The following RGS6 variants were observed in gnomAD, a reference collection of about 807,000 sequenced individuals.
RGS6 encodes the protein regulator of G-protein signaling 6.
A neutral mutation model predicts 78.5 loss-of-function variants in RGS6; 30 were observed. That is an observed-to-expected ratio of 0.38 (90% confidence interval 0.29 to 0.52). RGS6 has a LOEUF of 0.52. Ranked by LOEUF, RGS6 falls within the 20% of genes least tolerant of loss-of-function variation. RGS6 has a pLI of 0.85. For synonymous variants in RGS6, 206 were observed against 206.0 expected, an observed-to-expected ratio of 1.00 and a Z score of 0.00; for missense variants, 495 against 609.7, an observed-to-expected ratio of 0.81 and a Z score of 1.98.
chr14:72,439,081 A>G (rs2095071904), intron 3 of RGS6, among the ~76,000 whole-genome samples: 1 of 151,104 alleles, frequency 6.6e-6, no homozygotes. Flanking sequence ...AGTTTATTGC[A>G]CTCCCCTCCC....
At chr14:72,369,457 A>G (rs889079605) in intron 3 of RGS6, among the ~76,000 whole-genome samples, 29 of 152,196 alleles carry the variant, frequency 1.9e-4, no homozygotes, top group Non-Finnish European at 3.1e-4. Context: ...TTAAGCCACA[A>G]AGTTTGTGGT....
chr14:72,529,040 A>G (rs2097151071), intron 15 of RGS6, among the ~76,000 whole-genome samples: 1 of 152,128 alleles, frequency 6.6e-6, no homozygotes, highest in Admixed American at 6.5e-5. Flanking sequence ...TTTTCTGTTC[A>G]CCCACCCCCG....
intron 2 of RGS6, among the ~76,000 whole-genome samples, chr14:72,126,972 T>C (rs1369561655): frequency 1.3e-5 from 2 of 152,094 alleles, no homozygotes; most frequent in African/African-American, 4.8e-5. Context: ...TGGGGAGGCA[T>C]GAGGTTGGGG....
At position 72,168,218 on chromosome 14, in the gene RGS6, G is replaced by A. The variant is rs183416351; in HGVS notation, c.85-183877G>A. Among the ~76,000 whole-genome samples the A allele has an allele frequency of 4.8e-4, 73 of 152,120 alleles. No individual in the cohort carries two copies. The Middle Eastern group carries it at 0.01, about 21-fold the overall frequency. ...CCCCATCCCTTTCATGCAGCACCTG[G>A]TGCACACTCAGGTGACCCAGCCTAC... On this transcript the variant is annotated intron_variant, in intron 2 of 17. Coordinates refer to ENST00000553525, the MANE Select transcript of RGS6 (RefSeq NM_001204424.2).
intron 3 of RGS6, among the ~76,000 whole-genome samples, chr14:72,357,078 C>A (rs1313243442): frequency 6.6e-6 from 1 of 152,150 alleles, no homozygotes; most frequent in Middle Eastern, 3.4e-3. Flanking sequence ...CAAGACCAGC[C>A]TGGCCAACAT....
chr14:72,063,511 T>C (rs2093991166), intron 2 of RGS6, among the ~76,000 whole-genome samples: 1 of 152,120 alleles, frequency 6.6e-6, no homozygotes, highest in Non-Finnish European at 1.5e-5. Context: ...AGATAGGATA[T>C]ACGTTTCTTG....
chr14:71,908,342 T>C, the RGS6 span: 1 of 152,234 alleles, frequency 6.6e-6, no homozygotes, highest in Non-Finnish European at 1.5e-5. Flanking sequence ...CATTTCAGAA[T>C]GCCGTCTAGC....
chr14:72,093,763 A>G (rs1336361532), intron 2 of RGS6, among the ~76,000 whole-genome samples: 9 of 152,114 alleles, frequency 5.9e-5, no homozygotes, highest in Admixed American at 5.9e-4. Context: ...AGACACCTTT[A>G]CAAGTCACCT....
the RGS6 span, among the ~76,000 whole-genome samples, chr14:71,901,197 C>A: frequency 6.6e-6 from 1 of 152,072 alleles, no homozygotes; most frequent in Non-Finnish European, 1.5e-5. Flanking sequence ...ATTCTATGGT[C>A]CATAGGTTTC....
chr14:72,264,920 G>A (rs564276371), intron 2 of RGS6, among the ~76,000 whole-genome samples: 55 of 152,310 alleles, frequency 3.6e-4, no homozygotes, highest in African/African-American at 1.3e-3. Flanking sequence ...TCGGTACCAC[G>A]TTCTGGTGCT....
At chr14:71,974,361 C>T (rs2093993518) in intron 2 of RGS6, among the ~76,000 whole-genome samples, 1 of 152,140 alleles carries the variant, frequency 6.6e-6, no homozygotes. Context: ...GTTCTAAAAA[C>T]TTATTTCAAT....
At chr14:71,907,683 G>A in the RGS6 span, among the ~76,000 whole-genome samples, 7 of 152,076 alleles carry the variant, frequency 4.6e-5, no homozygotes, top group African/African-American at 1.4e-4. Flanking sequence ...GGCCGGGGTG[G>A]GAAAGGCAGA....
intron 2 of RGS6, among the ~76,000 whole-genome samples, chr14:72,297,125 C>G (rs2064998735): frequency 6.6e-6 from 1 of 151,948 alleles, no homozygotes. Flanking sequence ...AGTTTTATTT[C>G]ATTGTTCTGT....
chr14:72,629,772 A>G, the RGS6 span: 1 of 1,462,344 alleles, frequency 6.8e-7, no homozygotes, highest in East Asian at 2.5e-5. Context: ...TTAGGGCCAA[A>G]GTATGAACTG....
At chr14:72,124,256 T>G (rs1206766301) in intron 2 of RGS6, among the ~76,000 whole-genome samples, 1 of 151,824 alleles carries the variant, frequency 6.6e-6, no homozygotes, top group East Asian at 1.9e-4. Context: ...AATGTCACTG[T>G]GTCTGCAGCT....
intron 3 of RGS6, among the ~76,000 whole-genome samples, chr14:72,423,507 C>T (rs369201663): frequency 3.3e-5 from 5 of 152,280 alleles, no homozygotes; most frequent in South Asian, 4.2e-4. Context: ...AGGATAAAGT[C>T]GTATTCTTCA....
chr14:72,244,385 C>T (rs1318867869), intron 2 of RGS6, among the ~76,000 whole-genome samples: 1 of 152,010 alleles, frequency 6.6e-6, no homozygotes, highest in Non-Finnish European at 1.5e-5. Flanking sequence ...AAATTGCTAC[C>T]ACAGGGATGA....
At chr14:72,181,706 C>G (rs2049863504) in intron 2 of RGS6, among the ~76,000 whole-genome samples, 1 of 152,188 alleles carries the variant, frequency 6.6e-6, no homozygotes. Context: ...GTAAAATAAT[C>G]AGGTTCTCTA....
At chr14:72,471,105 G>A (rs1202596467) in intron 8 of RGS6, among the ~76,000 whole-genome samples, 2 of 152,068 alleles carry the variant, frequency 1.3e-5, no homozygotes, top group Non-Finnish European at 2.9e-5. Context: ...CAGAGAGGGA[G>A]AGTCTGAACT....
Sources: allele counts gnomAD v4.1 joint callset (sites outside exome capture counted in the v4.1 genomes callset), GRCh38; gene constraint gnomAD v4.1.1; transcripts MANE v1.5; gene names NCBI Gene and HGNC (gene_info 2026-07-23, HGNC 2026-07-21).